Variants in FAHD2B observed in about 807,000 individuals in gnomAD.
FAHD2B encodes the protein oxaloacetate tautomerase FAHD2B, mitochondrial.
FAHD2B carries 26 observed loss-of-function variants against 33.7 expected under a neutral mutation model. That is an observed-to-expected ratio of 0.77 (90% confidence interval 0.57 to 1.07). FAHD2B has a LOEUF of 1.07. Ranked by LOEUF, FAHD2B falls within the 50% of genes least tolerant of loss-of-function variation. FAHD2B has a pLI of 0.00. For synonymous variants in FAHD2B, 108 were observed against 150.9 expected (o/e 0.72, Z 2.08); for missense variants, 272 against 388.1 (o/e 0.70, Z 2.51).
chr2:97,082,868 G>A (rs2031703301), downstream of FAHD2B: 2 of 814,560 alleles, frequency 2.5e-6, no homozygotes, highest in Non-Finnish European at 4.2e-6. Context: ...GCCTGATGGT[G>A]CCTCATTAAG....
At chr2:97,081,277 T>C (rs1226816006), downstream of FAHD2B, 21 of 1,468,366 alleles carry the variant, frequency 1.4e-5, no homozygotes, top group Admixed American at 2.7e-5. Context: ...GCCCACTTGG[T>C]CCTAGGCCTT....
At chr2:97,079,618 G>T (rs2031579344), downstream of FAHD2B, among the ~76,000 whole-genome samples, 1 of 150,402 alleles carries the variant, frequency 6.6e-6, no homozygotes, top group Non-Finnish European at 1.5e-5. Context: ...TTTTAGTGGG[G>T]TTGTTTTGAA....
chr2:97,082,460 C>T, downstream of FAHD2B: 1 of 1,613,440 alleles, frequency 6.2e-7, no homozygotes, highest in Middle Eastern at 1.7e-4. Flanking sequence ...AAGAAGGGAT[C>T]TTCGGTGAGT....
rs1361710949 is a variant in FAHD2B at position 97,085,751 on chromosome 2, G to A, written c.633C>T (p.Phe211=). The change falls in exon 6 of 9, where the codon TTC becomes TTT. Residue 211 remains phenylalanine (F), a synonymous_variant. Coordinates refer to ENST00000414820, the MANE Select transcript of FAHD2B (RefSeq NM_001320848.2). The part of the protein sequence containing the change: ...NGKQWLLGKT[F]DTFCPLGPAL... ...CAGGGCCCAGAGGGCAGAAGGTGTC[G>A]AAGGTTTTTCCCAGCAGCCACTGTT... is the stretch of plus-strand genomic sequence containing the variant. 6.2e-6 allele frequency: 10 copies of A among 1,613,686 alleles called. No individual in the cohort carries two copies. Among genetic ancestry groups the A allele is most frequent in the Middle Eastern group, 3.3e-4 (2 of 6,078 alleles).
At position 97,083,839 on chromosome 2, in the gene FAHD2B, C is replaced by T. The variant is rs74366651; in HGVS notation, c.883-22G>A. 1,108 of 1,568,778 alleles carry T rather than the reference C, an allele frequency of 7.1e-4. 15 individuals are homozygous for T. In the East Asian group the frequency reaches 0.022, roughly 31 times the overall value. ...CCTTCTGCAACAGAGCAGGCCATGA[C>T]GGTGTCAGCCCTTCCGTCAGACACA... On this transcript the variant is annotated intron_variant, in intron 8 of 8. Transcript: ENST00000414820.
intron 3 of FAHD2B, 23 bp from the exon 4 acceptor site, chr2:97,090,348 G>A (rs1219367783): frequency 6.5e-6 from 10 of 1,542,212 alleles, no homozygotes; most frequent in Non-Finnish European, 8.7e-6. Context: ...GAGCAGGTGA[G>A]AGGGTCTGGC....
chr2:97,081,435 C>G, downstream of FAHD2B: 1 of 1,557,012 alleles, frequency 6.4e-7, no homozygotes, highest in Non-Finnish European at 8.7e-7. Flanking sequence ...CTTTTTCTCC[C>G]AGCCCTGCCA....
chr2:97,086,106 C>T (rs1440913031), intron 5 of FAHD2B, 33 bp downstream of exon 5: 1 of 1,611,136 alleles, frequency 6.2e-7, no homozygotes, highest in Non-Finnish European at 8.5e-7. Flanking sequence ...CTCTGCTGCA[C>T]TCTGGCCTGG....
In FAHD2B at chr2:97,091,932, G is replaced by A. The variant is rs1455679846; in HGVS notation, c.-76C>T. ...TACATGCTACGCAGTAAGTCCCAGG[G>A]ATTCCAGCGTTCCTTCAACCAGTGC... On this transcript the variant is annotated 5_prime_UTR_variant, in exon 2 of 9. Transcript: ENST00000414820. The A allele has an allele frequency of 7.6e-6, 4 of 528,174 alleles. No individual in the cohort carries two copies. Among genetic ancestry groups the A allele is most frequent in the Non-Finnish European group, 1.3e-5 (4 of 308,858 alleles). The allele number at this position is 528,174 out of a possible 1,614,324, so 32.7% of individuals were successfully genotyped here. A position where few individuals can be genotyped will look rare whatever the true frequency, so the allele number is the denominator to read the frequency against.
Position 97,085,684 on chromosome 2 carries a change from G to A in FAHD2B, c.685+15C>T. 1 of 1,613,600 alleles carries A rather than the reference G, an allele frequency of 6.2e-7. No individual in the cohort carries two copies. Among genetic ancestry groups the A allele is most frequent in the Non-Finnish European group, 8.5e-7 (1 of 1,179,768 alleles). Reference sequence around the variant, plus strand: ...TGCAATGGTAGGTACCAGGGGGCAGGGACCAGGGACCTACCTGCTACACTG... The same window carrying A: ...TGCAATGGTAGGTACCAGGGGGCAGAGACCAGGGACCTACCTGCTACACTG... On this transcript the variant is annotated intron_variant, in intron 6 of 8. Coordinates refer to ENST00000414820, the MANE Select transcript of FAHD2B (RefSeq NM_001320848.2).
chr2:97,089,267 T>G (rs1034462004), intron 4 of FAHD2B, among the ~76,000 whole-genome samples: 5 of 151,958 alleles, frequency 3.3e-5, no homozygotes, highest in African/African-American at 1.2e-4. Flanking sequence ...ACACCTGTAA[T>G]CCCAGCACTT....
downstream of FAHD2B, chr2:97,083,288 T>G: frequency 6.2e-7 from 1 of 1,600,338 alleles, no homozygotes; most frequent in Non-Finnish European, 8.5e-7. Context: ...GTGCTGAGAC[T>G]TCTCAGCCCC....
At chr2:97,082,328 G>C (rs2031674817), downstream of FAHD2B, 1 of 1,599,218 alleles carries the variant, frequency 6.3e-7, no homozygotes, top group Non-Finnish European at 8.5e-7. Context: ...TGAGGCCCTT[G>C]TTCCCTTGCA....
chr2:97,078,751 T>C (rs2031560156), downstream of FAHD2B, among the ~76,000 whole-genome samples: 1 of 151,418 alleles, frequency 6.6e-6, no homozygotes, highest in African/African-American at 2.4e-5. Context: ...CTTGAAATAC[T>C]TTTTTTTAAA....
Position 97,084,046 on chromosome 2 carries a change from G to A in FAHD2B, c.795-11C>T. ...TAAAAGGTAACAAACCTGGAGCAAA[G>A]CAAAAGGACCCAGTGAGACCAGGGG... On this transcript the variant is annotated splice_polypyrimidine_tract_variant and intron_variant, in intron 7 of 8. Coordinates refer to ENST00000414820, the MANE Select transcript of FAHD2B (RefSeq NM_001320848.2). The A allele has an allele frequency of 3.1e-6, 5 of 1,613,512 alleles. No individual in the cohort carries two copies. The highest frequency in any genetic ancestry group is 4.2e-6 in the Non-Finnish European group (5 of 1,179,840).
At chr2:97,090,746 A>G (rs1435485342) in intron 3 of FAHD2B, among the ~76,000 whole-genome samples, 1 of 151,782 alleles carries the variant, frequency 6.6e-6, no homozygotes, top group Non-Finnish European at 1.5e-5. Flanking sequence ...AATATGTAAC[A>G]ATACATAGAG....
downstream of FAHD2B, chr2:97,081,306 A>G (rs2031636606): frequency 6.7e-7 from 1 of 1,497,844 alleles, no homozygotes; most frequent in East Asian, 2.4e-5. Flanking sequence ...GGTGGTAGGA[A>G]TGGCCCATCC....
rs1007615496 is a variant in FAHD2B at position 97,083,767 on chromosome 2, G to A, written c.933C>T (p.Asn311=). 22 of 1,614,106 alleles carry A rather than the reference G, an allele frequency of 1.4e-5. No homozygotes were observed. The highest frequency in any genetic ancestry group is 1.6e-5 in the Non-Finnish European group (19 of 1,180,034). The change falls in exon 9 of 9, where the codon AAC becomes AAT. Residue 311 remains asparagine, a synonymous_variant. Coordinates refer to ENST00000414820, the MANE Select transcript of FAHD2B (RefSeq NM_001320848.2). ...CEIEELGVII[N]KVV ...TGTGCAGGAGCCATCACACCACCTT[G>A]TTGATGATGACACCTAGTTCTTCAA... is the stretch of plus-strand genomic sequence containing the variant.
At chr2:97,082,443 G>A (rs2031680447), downstream of FAHD2B, 7 of 1,613,474 alleles carry the variant, frequency 4.3e-6, no homozygotes, top group Admixed American at 1.7e-5. Flanking sequence ...GCAGGCCACC[G>A]CCCAGGAAGA....
Sources: allele counts gnomAD v4.1 joint callset (sites outside exome capture counted in the v4.1 genomes callset), GRCh38; gene constraint gnomAD v4.1.1; transcripts MANE v1.5; gene names NCBI Gene and HGNC (gene_info 2026-07-23, HGNC 2026-07-21).